TDRP: variants seen among roughly 807,000 people sequenced by gnomAD.
TDRP encodes testis development related protein, also known as testis development-related protein.
TDRP carries 12 observed loss-of-function variants against 10.5 expected under a neutral mutation model. The ratio of observed to expected loss-of-function variants is 1.15; its 90% CI spans 0.73 to 1.86. The LOEUF is 1.86. Among genes scored for constraint, TDRP ranks in the 40% most tolerant of loss-of-function variants. The pLI is 0.00. For missense variants in TDRP, 353 were observed against 229.2 expected (o/e 1.54, Z -3.49); for synonymous variants, 139 against 95.4 (o/e 1.46, Z -2.67).
At chr8:515,837 T>C (rs913371462) in intron 1 of TDRP, among the ~76,000 whole-genome samples, 3 of 152,156 alleles carry the variant, frequency 2.0e-5, no homozygotes, top group African/African-American at 4.8e-5. Flanking sequence ...TAATTACTTT[T>C]AGACAATGAC....
At chr8:524,351 T>A (rs1801982744) in intron 1 of TDRP, among the ~76,000 whole-genome samples, 1 of 152,146 alleles carries the variant, frequency 6.6e-6, no homozygotes, top group Non-Finnish European at 1.5e-5. Context: ...CCAAACTGCA[T>A]ATACTACAAT....
In TDRP at chr8:489,962, T is replaced by A. The variant is rs969949668; in HGVS notation, c.*2437A>T. The A allele has an allele frequency of 1.3e-5, 2 of 152,188 alleles. No individual in the cohort carries two copies. Among genetic ancestry groups the A allele is most frequent in the Non-Finnish European group, 2.9e-5 (2 of 68,038 alleles). 9.4% of individuals were successfully genotyped at this position (152,188 alleles called of 1,614,324 possible). ...ATAAGGAAAGAGCTTAAAAACAGTA[T>A]TTTTATTTTTAAAAAACCTCAACAT... On this transcript the variant is annotated 3_prime_UTR_variant, in exon 3 of 3. Transcript: ENST00000324079.
At chr8:529,031 G>T (rs1485908341) in intron 1 of TDRP, among the ~76,000 whole-genome samples, 1 of 152,106 alleles carries the variant, frequency 6.6e-6, no homozygotes, top group African/African-American at 2.4e-5. Flanking sequence ...ATATAGGCTG[G>T]GAGGCTAGGC....
At chr8:499,567 C>T (rs1317143864) in intron 1 of TDRP, among the ~76,000 whole-genome samples, 1 of 152,188 alleles carries the variant, frequency 6.6e-6, no homozygotes, top group African/African-American at 2.4e-5. Context: ...TCTCTACTGC[C>T]AGGTGAGCAA....
chr8:538,466 T>G (rs571529458), intron 1 of TDRP, among the ~76,000 whole-genome samples: 134 of 152,294 alleles, frequency 8.8e-4, no homozygotes, highest in African/African-American at 2.9e-3. Flanking sequence ...TATCAAGAAT[T>G]TATGAACAGG....
intron 1 of TDRP, among the ~76,000 whole-genome samples, chr8:511,782 G>C (rs1220927346): frequency 6.6e-6 from 1 of 151,928 alleles, no homozygotes; most frequent in African/African-American, 2.4e-5. Flanking sequence ...AAATGAGGCA[G>C]GAAAAACTCT....
intron 1 of TDRP, among the ~76,000 whole-genome samples, chr8:541,852 T>C (rs1162104697): frequency 6.6e-6 from 1 of 152,158 alleles, no homozygotes. Context: ...TGGCGGTTTC[T>C]TATAAAACTA....
At chr8:521,576 G>C (rs927626603) in intron 1 of TDRP, among the ~76,000 whole-genome samples, 2 of 152,132 alleles carry the variant, frequency 1.3e-5, no homozygotes, top group African/African-American at 4.8e-5. Context: ...TCTCTACTCT[G>C]TTCCATTGTT....
intron 1 of TDRP, among the ~76,000 whole-genome samples, chr8:514,606 A>C (rs1801705632): frequency 6.6e-6 from 1 of 152,180 alleles, no homozygotes; most frequent in Non-Finnish European, 1.5e-5. Flanking sequence ...ACGAGGAACC[A>C]TGTGGCCACA....
chr8:506,422 C>A (rs1009732557), intron 1 of TDRP, among the ~76,000 whole-genome samples: 1 of 152,210 alleles, frequency 6.6e-6, no homozygotes, highest in Admixed American at 6.5e-5. Context: ...AGGAACTGGA[C>A]TTCAGCTTCT....
chr8:528,847 ATGTG>A (rs144392634), intron 1 of TDRP, among the ~76,000 whole-genome samples: 11 of 151,418 alleles, frequency 7.3e-5, no homozygotes, highest in South Asian at 2.1e-4. Context: ...GTGTGTATAT[ATGTG>A]TGTGTGTGTG....
intron 1 of TDRP, among the ~76,000 whole-genome samples, chr8:508,831 A>T (rs1354033597): frequency 6.6e-6 from 1 of 152,232 alleles, no homozygotes; most frequent in Non-Finnish European, 1.5e-5. Flanking sequence ...AATCTGAGAC[A>T]AGGCAAGTCC....
intron 1 of TDRP, among the ~76,000 whole-genome samples, chr8:541,698 A>G (rs1333804441): frequency 6.6e-6 from 1 of 152,214 alleles, no homozygotes; most frequent in East Asian, 1.9e-4. Context: ...AATTCAAGAC[A>G]AAGAGAAACC....
intron 1 of TDRP, among the ~76,000 whole-genome samples, chr8:521,952 C>G (rs1430189695): frequency 6.6e-6 from 1 of 151,774 alleles, no homozygotes; most frequent in East Asian, 2.0e-4. Context: ...TTCTAAGTAC[C>G]TTTTTTCTTG....
chr8:508,991 G>C (rs180863596), intron 1 of TDRP, among the ~76,000 whole-genome samples: 2 of 152,340 alleles, frequency 1.3e-5, no homozygotes, highest in Admixed American at 6.5e-5. Flanking sequence ...CCAAAATCCA[G>C]TGAGGCACTC....
At chr8:525,167 T>A (rs1802004547) in intron 1 of TDRP, among the ~76,000 whole-genome samples, 2 of 152,214 alleles carry the variant, frequency 1.3e-5, no homozygotes, top group South Asian at 2.1e-4. Flanking sequence ...CGGCATGACA[T>A]AATTAAAGTG....
intron 1 of TDRP, among the ~76,000 whole-genome samples, chr8:499,650 G>A (rs1368455736): frequency 2.6e-5 from 4 of 152,218 alleles, no homozygotes; most frequent in Admixed American, 2.6e-4. Flanking sequence ...AGTGCTGTGA[G>A]GCCACTCCTC....
At chr8:493,247 G>C (rs1157235568) in intron 2 of TDRP, among the ~76,000 whole-genome samples, 1 of 152,210 alleles carries the variant, frequency 6.6e-6, no homozygotes, top group Admixed American at 6.5e-5. Context: ...GCAAGCGACA[G>C]CTAGGGAAGA....
At chr8:495,331 TC>T (rs996222139) in intron 1 of TDRP, among the ~76,000 whole-genome samples, 1 of 152,148 alleles carries the variant, frequency 6.6e-6, no homozygotes, top group Non-Finnish European at 1.5e-5. Context: ...TTCTCCAAGG[TC>T]CCCTGGAACA....
Sources: allele counts gnomAD v4.1 joint callset (sites outside exome capture counted in the v4.1 genomes callset), GRCh38; gene constraint gnomAD v4.1.1; transcripts MANE v1.5; gene names NCBI Gene and HGNC (gene_info 2026-07-23, HGNC 2026-07-21).